RAD23B: variants seen among roughly 807,000 people sequenced by gnomAD.
The protein encoded by RAD23B is RAD23 nucleotide excision repair protein B.
Under a neutral mutation model 49.1 loss-of-function variants are expected in RAD23B, and 5 were observed. The observed-to-expected ratio is 0.10, with a 90% CI of 0.05 to 0.21. The LOEUF (loss-of-function observed/expected upper bound fraction) is 0.21, where lower values mean the gene tolerates loss of function less well. RAD23B is among the 10% of genes least tolerant of loss of function. The pLI is 1.00. For synonymous variants in RAD23B, 184 were observed against 165.4 expected, an observed-to-expected ratio of 1.11 and a Z score of -0.86; for missense variants, 356 against 486.7, an observed-to-expected ratio of 0.73 and a Z score of 2.53.
intron 5 of RAD23B, among the ~76,000 whole-genome samples, chr9:107,313,373 G>A (rs955547851): frequency 2.6e-5 from 4 of 151,932 alleles, no homozygotes; most frequent in Non-Finnish European, 5.9e-5. Flanking sequence ...TTACAGGCAC[G>A]TGCCACCACG....
chr9:107,329,012 A>C (rs2133102549), intron 9 of RAD23B, among the ~76,000 whole-genome samples: 1 of 152,286 alleles, frequency 6.6e-6, no homozygotes, highest in Non-Finnish European at 1.5e-5. Flanking sequence ...TCTAGTATGG[A>C]GTGTTGAATA....
At chr9:107,306,352 A>G in intron 3 of RAD23B, 27 bp from the exon 4 acceptor site, 2 of 1,594,202 alleles carry the variant, frequency 1.3e-6, no homozygotes, top group Non-Finnish European at 1.7e-6. Flanking sequence ...ATTTTATTGT[A>G]ATTATTTTGT....
At chr9:107,283,786 G>A in intron 1 of RAD23B, 91 bp downstream of exon 1, 6 of 1,200,030 alleles carry the variant, frequency 5.0e-6, no homozygotes, top group Non-Finnish European at 6.4e-6. Flanking sequence ...CTCCAGCGGG[G>A]GAAGCCCCGG....
At chr9:107,324,114 A>G in intron 8 of RAD23B, 97 bp downstream of exon 8, 6 of 1,298,060 alleles carry the variant, frequency 4.6e-6, no homozygotes, top group Non-Finnish European at 5.4e-6. Context: ...ACAACTCTGT[A>G]TTTGAGAATG....
At chr9:107,306,772 T>A in intron 4 of RAD23B, 125 bp downstream of exon 4, 4 of 1,084,146 alleles carry the variant, frequency 3.7e-6, no homozygotes, top group Non-Finnish European at 5.2e-6. Context: ...TTTTTAAATG[T>A]TTGACTAAAA....
chr9:107,294,004 C>CA (rs1833437683), intron 1 of RAD23B, among the ~76,000 whole-genome samples: 1 of 152,126 alleles, frequency 6.6e-6, no homozygotes, highest in African/African-American at 2.4e-5. Context: ...AGGCTGACCT[C>CA]AAACTATTGG....
At chr9:107,295,155 A>C (rs983246484) in intron 1 of RAD23B, among the ~76,000 whole-genome samples, 1 of 152,176 alleles carries the variant, frequency 6.6e-6, no homozygotes, top group African/African-American at 2.4e-5. Flanking sequence ...TTATCAGCAC[A>C]GTATTGCTCT....
rs778739790 is a variant in RAD23B, at chr9:107,300,137, A to G, written c.67-4A>G. 68 of 1,595,564 alleles carry G rather than the reference A, an allele frequency of 4.3e-5. No homozygotes were observed. Among genetic ancestry groups the G allele is most frequent in the Middle Eastern group, 1.7e-4 (1 of 5,810 alleles). On this transcript the variant is annotated splice_polypyrimidine_tract_variant and splice_region_variant and intron_variant, in intron 1 of 9. Coordinates refer to ENST00000358015, the MANE Select transcript of RAD23B (RefSeq NM_002874.5). ...TCCAAAACAAATCTTTATTTTTCCTATAGGTGAAAGCACTGAAAGAGAAGA... is the reference window on the plus strand; with the variant it reads ...TCCAAAACAAATCTTTATTTTTCCTGTAGGTGAAAGCACTGAAAGAGAAGA...
intron 1 of RAD23B, among the ~76,000 whole-genome samples, chr9:107,287,329 A>C (rs1300512869): frequency 1.3e-5 from 2 of 152,230 alleles, no homozygotes; most frequent in African/African-American, 4.8e-5. Context: ...CTAACTCTTG[A>C]CACTGTTTGC....
At chr9:107,320,832 A>G (rs10978792) in intron 6 of RAD23B, among the ~76,000 whole-genome samples, 4,030 of 152,304 alleles carry the variant, frequency 0.026, 81 homozygotes, top group Non-Finnish European at 0.04. Flanking sequence ...AACTCATTCA[A>G]AAACATTGGT....
rs56236506 is a variant in RAD23B at position 107,300,011 on chromosome 9, CATA to C, written c.67-126_67-124del. The C allele has an allele frequency of 1.1e-3, 1,307 of 1,182,452 alleles. 21 individuals are homozygous for C. The African/African-American group carries it at 0.018, about 17-fold the overall frequency. The allele number at this position is 1,182,452 out of a possible 1,614,324, so 73.2% of individuals were successfully genotyped here. A position where few individuals can be genotyped will look rare whatever the true frequency, so the allele number is the denominator to read the frequency against. Reference sequence around the variant, plus strand: ...TCTTTTTTGATATAAATTGGAAAAACATAATATTTGAGGTTTTGGAAACATTAA... The same window carrying C: ...TCTTTTTTGATATAAATTGGAAAAACATATTTGAGGTTTTGGAAACATTAA... On this transcript the variant is annotated intron_variant, in intron 1 of 9. Transcript: ENST00000358015.
At chr9:107,284,324 T>C (rs1833228623) in intron 1 of RAD23B, 1 of 664,468 alleles carries the variant, frequency 1.5e-6, no homozygotes, top group Non-Finnish European at 1.9e-6. Context: ...GAGGCCTCTT[T>C]GGTGATGGTT....
At chr9:107,315,893 G>C (rs1826982772) in intron 5 of RAD23B, among the ~76,000 whole-genome samples, 1 of 152,048 alleles carries the variant, frequency 6.6e-6, no homozygotes, top group Non-Finnish European at 1.5e-5. Context: ...GTATTTTTTT[G>C]AGATTGTATA....
intron 6 of RAD23B, among the ~76,000 whole-genome samples, chr9:107,320,245 A>G (rs894450359): frequency 2.0e-5 from 3 of 151,978 alleles, no homozygotes; most frequent in Non-Finnish European, 4.4e-5. Flanking sequence ...CAGTTTATCC[A>G]GTTTGTTTGG....
chr9:107,295,598 G>T (rs1826496310), intron 1 of RAD23B, among the ~76,000 whole-genome samples: 1 of 152,204 alleles, frequency 6.6e-6, no homozygotes, highest in African/African-American at 2.4e-5. Context: ...ACGAGAGGAT[G>T]CTGTGAATCA....
At chr9:107,295,022 T>A (rs566668552) in intron 1 of RAD23B, among the ~76,000 whole-genome samples, 1 of 151,406 alleles carries the variant, frequency 6.6e-6, no homozygotes, top group African/African-American at 2.4e-5. Flanking sequence ...GTGGTATCAT[T>A]ATGGTGTTGC....
intron 9 of RAD23B, among the ~76,000 whole-genome samples, chr9:107,326,565 G>C (rs1261886794): frequency 2.6e-5 from 4 of 151,218 alleles, no homozygotes; most frequent in South Asian, 2.1e-4. Context: ...GCTTTTTTTG[G>C]GGGGAAGTTT....
intron 1 of RAD23B, among the ~76,000 whole-genome samples, chr9:107,286,671 C>CT (rs1833277586): frequency 6.6e-6 from 1 of 152,032 alleles, no homozygotes; most frequent in African/African-American, 2.4e-5. Context: ...TCATTATGTG[C>CT]TTTTTTTGTT....
intron 1 of RAD23B, among the ~76,000 whole-genome samples, chr9:107,294,282 G>A (rs1228468221): frequency 7.9e-5 from 12 of 152,138 alleles, no homozygotes; most frequent in Admixed American, 7.9e-4. Flanking sequence ...TAGAAAAAAT[G>A]TTTGATTTCT....
Sources: allele counts gnomAD v4.1 joint callset (sites outside exome capture counted in the v4.1 genomes callset), GRCh38; gene constraint gnomAD v4.1.1; transcripts MANE v1.5; gene names NCBI Gene and HGNC (gene_info 2026-07-23, HGNC 2026-07-21).